The following MAP2K5 variants were observed in gnomAD, a reference collection of about 807,000 sequenced individuals.
MAP2K5 encodes dual specificity mitogen-activated protein kinase kinase 5.
Under a neutral mutation model 83.1 loss-of-function variants are expected in MAP2K5, and 49 were observed. That is an observed-to-expected ratio of 0.59 (90% CI 0.47 to 0.75). The LOEUF (loss-of-function observed/expected upper bound fraction) is 0.75, where lower values mean the gene tolerates loss of function less well. Ranked by LOEUF, MAP2K5 falls within the 30% of genes least tolerant of loss-of-function variation. The pLI is 0.00. For missense variants in MAP2K5, 457 were observed against 557.5 expected (o/e 0.82, Z 1.82); for synonymous variants, 202 against 191.8 (o/e 1.05, Z -0.44).
intron 13 of MAP2K5, among the ~76,000 whole-genome samples, chr15:67,666,609 G>A (rs931166320): frequency 2.0e-5 from 3 of 152,182 alleles, no homozygotes; most frequent in African/African-American, 7.2e-5. Context: ...GGCTAAGAAA[G>A]GGCTTTTTCG....
intron 21 of MAP2K5, among the ~76,000 whole-genome samples, chr15:67,799,274 TGCTCGC>T (rs2090660720): frequency 6.6e-6 from 1 of 152,286 alleles, no homozygotes; most frequent in Non-Finnish European, 1.5e-5. Flanking sequence ...TGCCCAGGTA[TGCTCGC>T]TATGTGGACA....
intron 3 of MAP2K5, among the ~76,000 whole-genome samples, chr15:67,574,316 A>C (rs2085009101): frequency 6.6e-6 from 1 of 152,226 alleles, no homozygotes; most frequent in Non-Finnish European, 1.5e-5. Flanking sequence ...TCATGCCTGT[A>C]ATCCCAGCAC....
At chr15:67,549,219 A>G (rs941373978) in intron 1 of MAP2K5, 6 of 1,531,004 alleles carry the variant, frequency 3.9e-6, no homozygotes, top group Admixed American at 2.0e-5. Context: ...TAGGTGTTCT[A>G]TGCTTATTCA....
Position 67,782,466 on chromosome 15 carries a change from G to T in MAP2K5, c.1242+9714G>T, listed in dbSNP as rs1173112230. On this transcript the variant is annotated intron_variant, in intron 21 of 21. Transcript: ENST00000178640. The surrounding 1 kb of genome is among the most constrained non-coding windows in gnomAD (Gnocchi z 4.9). ...TCAAACCCCTGTGATATACTGGAAGGCTAAATATTTCATACAGCCTGATTT... is the reference window on the plus strand; with the variant it reads ...TCAAACCCCTGTGATATACTGGAAGTCTAAATATTTCATACAGCCTGATTT... Among the ~76,000 whole-genome samples the T allele has an allele frequency of 6.6e-6, 1 of 152,124 alleles. No homozygotes were observed.
intron 2 of MAP2K5, among the ~76,000 whole-genome samples, chr15:67,554,492 A>G (rs2084585155): frequency 6.6e-6 from 1 of 152,248 alleles, no homozygotes; most frequent in African/African-American, 2.4e-5. Context: ...CCTGTTTTGT[A>G]TAAATGTAGA....
chr15:67,580,832 G>T lies in MAP2K5; in HGVS notation c.322+9G>T. On this transcript the variant is annotated intron_variant, in intron 4 of 21. Coordinates refer to ENST00000178640, the MANE Select transcript of MAP2K5 (RefSeq NM_145160.3). The stretch of plus-strand genomic sequence containing the variant: ...GCAGATATTTCCAAGAGGTAATGTT[G>T]AGCAAATTCTAATCAACAATGATTA... The T allele has an allele frequency of 1.3e-6, 2 of 1,573,520 alleles. No individual in the cohort carries two copies. The highest frequency in any genetic ancestry group is 2.2e-5 in the South Asian group (2 of 90,094).
intron 16 of MAP2K5, among the ~76,000 whole-genome samples, chr15:67,718,933 T>A (rs1044800386): frequency 1.3e-5 from 2 of 152,186 alleles, no homozygotes; most frequent in Admixed American, 1.3e-4. Flanking sequence ...CTTTTAGTTA[T>A]TTTTAAATGT....
At chr15:67,692,725 T>G (rs1418754061) in intron 14 of MAP2K5, among the ~76,000 whole-genome samples, 173 bp downstream of exon 14, 1 of 152,206 alleles carries the variant, frequency 6.6e-6, no homozygotes, top group Non-Finnish European at 1.5e-5. Context: ...GTTTCCTTCA[T>G]CAGAATATGA....
chr15:67,548,180 A>G (rs1392212399), intron 1 of MAP2K5, among the ~76,000 whole-genome samples: 2 of 152,226 alleles, frequency 1.3e-5, no homozygotes, highest in Non-Finnish European at 2.9e-5. Context: ...AGGAGCCTAA[A>G]TTAATTTGCT....
intron 7 of MAP2K5, among the ~76,000 whole-genome samples, chr15:67,597,511 AT>A (rs1466346040): frequency 6.6e-6 from 1 of 152,158 alleles, no homozygotes; most frequent in Non-Finnish European, 1.5e-5. Flanking sequence ...AATGCTGTAA[AT>A]TTCTGTGATT....
At chr15:67,674,727 A>C (rs1009141037) in intron 13 of MAP2K5, among the ~76,000 whole-genome samples, 1 of 152,222 alleles carries the variant, frequency 6.6e-6, no homozygotes, top group Non-Finnish European at 1.5e-5. Context: ...TGTGCCTAGA[A>C]TATATAAAGA....
rs892016252 is a variant in MAP2K5, at chr15:67,636,347, G to T, written c.585+5420G>T. Among the ~76,000 whole-genome samples, 1 of 151,612 alleles carries T rather than the reference G, an allele frequency of 6.6e-6. No individual in the cohort carries two copies. The highest frequency in any genetic ancestry group is 2.4e-5 in the African/African-American group (1 of 41,208). On this transcript the variant is annotated intron_variant, in intron 9 of 21. Transcript: ENST00000178640. This position sits in a 1 kb window ranked among gnomAD's most constrained non-coding sequence, Gnocchi z 4.7. ...GGCGTGAACCTGGGAAGTGGAGCTT[G>T]CAGTGAGCCAAGATTGCGCCACTGC...
chr15:67,789,633 G>C (rs1410394560), intron 21 of MAP2K5, among the ~76,000 whole-genome samples: 2 of 151,800 alleles, frequency 1.3e-5, no homozygotes, highest in Admixed American at 6.6e-5. Context: ...AGAATTGCTT[G>C]AACCCGGGGA....
At chr15:67,718,616 T>C (rs2141236670) in intron 16 of MAP2K5, among the ~76,000 whole-genome samples, 1 of 152,122 alleles carries the variant, frequency 6.6e-6, no homozygotes, top group Admixed American at 6.5e-5. Context: ...ATACAAAAAT[T>C]AGCCAGGCGT....
At chr15:67,681,295 T>C (rs2087809829) in intron 13 of MAP2K5, among the ~76,000 whole-genome samples, 2 of 152,194 alleles carry the variant, frequency 1.3e-5, no homozygotes, top group African/African-American at 4.8e-5. Flanking sequence ...TTCAGGATTG[T>C]TATGAGAATT....
intron 15 of MAP2K5, among the ~76,000 whole-genome samples, chr15:67,695,587 A>G (rs2088231963): frequency 1.3e-5 from 2 of 152,162 alleles, no homozygotes; most frequent in Non-Finnish European, 2.9e-5. Flanking sequence ...AGAATATGAA[A>G]CACTGTAATT....
intron 17 of MAP2K5, among the ~76,000 whole-genome samples, chr15:67,737,683 G>A (rs916962613): frequency 6.6e-6 from 1 of 152,042 alleles, no homozygotes; most frequent in East Asian, 1.9e-4. Context: ...GGAGGCAGTT[G>A]TCTGTTTATG....
chr15:67,618,236 G>C (rs1003752096), intron 8 of MAP2K5, among the ~76,000 whole-genome samples: 6 of 152,098 alleles, frequency 3.9e-5, no homozygotes, highest in African/African-American at 9.7e-5. Context: ...AAAGTACTTC[G>C]CTTGGCAGTG....
chr15:67,677,818 C>G lies in MAP2K5; in HGVS notation c.847+13173C>G, dbSNP rs2087716503. On this transcript the variant is annotated intron_variant, in intron 13 of 21. Coordinates refer to ENST00000178640, the MANE Select transcript of MAP2K5 (RefSeq NM_145160.3). The surrounding 1 kb of genome is among the most constrained non-coding windows in gnomAD (Gnocchi z 4.2). ...AATTGAGAAGCTCAGGCCTTTTTGC[C>G]CTTGTTATTAATCTTGTAAGTGTCC... 6.6e-6 allele frequency among the ~76,000 whole-genome samples: 1 copy of G among 152,104 alleles called. No homozygotes were observed. Among genetic ancestry groups the G allele is most frequent in the Non-Finnish European group, 1.5e-5 (1 of 68,014 alleles).
Sources: allele counts gnomAD v4.1 joint callset (sites outside exome capture counted in the v4.1 genomes callset), GRCh38; gene constraint gnomAD v4.1.1; non-coding constraint Gnocchi (gnomAD v3.1); transcripts MANE v1.5; gene names NCBI Gene and HGNC (gene_info 2026-07-23, HGNC 2026-07-21).